Variants in STOML3 observed in about 807,000 individuals in gnomAD.
STOML3 encodes the protein stomatin-like protein 3.
A neutral mutation model predicts 29.5 loss-of-function variants in STOML3; 31 were observed. The ratio of observed to expected loss-of-function variants is 1.05; its 90% CI spans 0.79 to 1.42. The LOEUF (loss-of-function observed/expected upper bound fraction) is 1.42. Among genes scored for constraint, STOML3 ranks in the 40% most tolerant of loss-of-function variants. STOML3 has a pLI of 0.00. For synonymous variants in STOML3, 122 were observed against 139.8 expected, an observed-to-expected ratio of 0.87 and a Z score of 0.90; for missense variants, 380 against 363.0, an observed-to-expected ratio of 1.05 and a Z score of -0.38.
intron 1 of STOML3, among the ~76,000 whole-genome samples, chr13:38,985,394 G>A (rs924363391): frequency 2.0e-5 from 3 of 152,106 alleles, no homozygotes; most frequent in Non-Finnish European, 2.9e-5. Flanking sequence ...CTGCATTCCA[G>A]CCTGGGAAAC....
Position 38,990,814 on chromosome 13 carries a change from G to C in STOML3, c.-93C>G. 1 of 1,144,848 alleles carries C rather than the reference G, an allele frequency of 8.7e-7. No homozygotes were observed. The highest frequency in any genetic ancestry group is 1.3e-6 in the Non-Finnish European group (1 of 769,484). The allele number at this position is 1,144,848 out of a possible 1,614,324, so 70.9% of individuals were successfully genotyped here. A position where few individuals can be genotyped will look rare whatever the true frequency, so the allele number is the denominator to read the frequency against. On this transcript the variant is annotated 5_prime_UTR_variant, in exon 1 of 7. Transcript: ENST00000379631. ...CAGCAACTCAGATGTGCTTGGGAGA[G>C]GGGAGAGGAGAAAGTATGAGAGAGT...
At chr13:38,971,926 A>G (rs1880882964) in intron 4 of STOML3, among the ~76,000 whole-genome samples, 1 of 152,230 alleles carries the variant, frequency 6.6e-6, no homozygotes, top group Non-Finnish European at 1.5e-5. Context: ...ACTCTGTCTC[A>G]AAAGAAAAAA....
At position 38,966,980 on chromosome 13, in the gene STOML3, A is replaced by G. The variant is rs1880677462; in HGVS notation, c.721T>C (p.Ser241Pro). ...TAGCGCAGCTGGAGAGCTATGGGAG[A>G]CTCAGCCAGCACCATGGAGGCTGAC... Reference protein sequence around the residue: ...LKSASMVLAESPIALQLRYLQ... With the variant: ...LKSASMVLAEPPIALQLRYLQ... The change falls in exon 7 of 7, where the codon TCT becomes CCT. Residue 241 changes from serine to proline, a missense_variant. Ser to Pro is a moderately conservative substitution (Grantham distance 74). Transcript: ENST00000379631. 6.2e-7 allele frequency: 1 copy of G among 1,613,666 alleles called. No individual in the cohort carries two copies. The highest frequency in any genetic ancestry group is 1.3e-5 in the African/African-American group (1 of 74,788).
At chr13:38,987,676 T>A (rs937330106) in intron 1 of STOML3, among the ~76,000 whole-genome samples, 1 of 138,606 alleles carries the variant, frequency 7.2e-6, no homozygotes, top group East Asian at 2.0e-4. Context: ...ATTTTTAATA[T>A]ATATTATATA....
At chr13:38,980,276 T>G (rs574130090) in intron 1 of STOML3, 2 of 737,604 alleles carry the variant, frequency 2.7e-6, no homozygotes, top group Non-Finnish European at 4.4e-6. Context: ...GGGCTGTGAG[T>G]GCTGCTGTCA....
At chr13:38,986,920 A>G (rs1272850049) in intron 1 of STOML3, among the ~76,000 whole-genome samples, 8 of 152,118 alleles carry the variant, frequency 5.3e-5, no homozygotes, top group African/African-American at 1.7e-4. Context: ...CTCCCCAGGA[A>G]GATTCTTTTG....
intron 1 of STOML3, among the ~76,000 whole-genome samples, chr13:38,989,374 C>A (rs1467490017): frequency 6.6e-6 from 1 of 152,080 alleles, no homozygotes; most frequent in East Asian, 1.9e-4. Context: ...CTCTTGAGAT[C>A]TCCCGCTTGC....
intron 1 of STOML3, among the ~76,000 whole-genome samples, chr13:38,988,691 AAC>A (rs900852927): frequency 8.0e-5 from 11 of 137,504 alleles, no homozygotes; most frequent in African/African-American, 2.7e-4. Context: ...TTTGATATCA[AAC>A]ACATCATTAA....
chr13:38,967,521 G>A (rs1165359297), intron 6 of STOML3, among the ~76,000 whole-genome samples: 1 of 151,930 alleles, frequency 6.6e-6, no homozygotes, highest in Non-Finnish European at 1.5e-5. Context: ...TAGTTCTCTT[G>A]GCTCTTGATT....
chr13:38,976,746 G>A lies in STOML3; in HGVS notation c.104C>T (p.Ser35Phe), dbSNP rs1197437908. 1 of 1,614,094 alleles carries A rather than the reference G, an allele frequency of 6.2e-7. No homozygotes were observed. The highest frequency in any genetic ancestry group is 1.6e-4 in the Middle Eastern group (1 of 6,062). The change falls in exon 2 of 7, where the codon TCT becomes TTT. Residue 35 changes from serine to phenylalanine, a missense_variant. By Grantham distance (155) the Ser-to-Phe change is radical (BLOSUM62 -2). Coordinates refer to ENST00000379631, the MANE Select transcript of STOML3 (RefSeq NM_145286.3). ...GAAGGTAATGATCACCAACAGGAAA[G>A]AGAGGGAAAACAGGATCCAGCCACA... ...GVCGWILFSL[S>F]FLLVIITFPI...
At chr13:38,988,900 T>C (rs1316938809) in intron 1 of STOML3, among the ~76,000 whole-genome samples, 1 of 137,782 alleles carries the variant, frequency 7.3e-6, no homozygotes, top group Non-Finnish European at 1.5e-5. Context: ...TTATATACTA[T>C]ACTATAGAAT....
chr13:38,986,652 CATT>C (rs1261484386), intron 1 of STOML3, among the ~76,000 whole-genome samples: 2 of 152,160 alleles, frequency 1.3e-5, no homozygotes, highest in Non-Finnish European at 2.9e-5. Flanking sequence ...GAGGGGTAAA[CATT>C]ATCTTTTCAT....
chr13:38,968,557 G>A, intron 5 of STOML3, 23 bp from the exon 6 acceptor site: 1 of 1,613,064 alleles, frequency 6.2e-7, no homozygotes, highest in Non-Finnish European at 8.5e-7. Flanking sequence ...TAAAAGGGAA[G>A]ACTAATAAGA....
intron 1 of STOML3, among the ~76,000 whole-genome samples, chr13:38,984,617 G>T (rs1242143135): frequency 2.0e-5 from 3 of 152,154 alleles, no homozygotes; most frequent in African/African-American, 7.2e-5. Flanking sequence ...TAGCCTAGGA[G>T]CCAGAGGCTG....
chr13:38,973,132 A>G (rs111673788), intron 3 of STOML3, among the ~76,000 whole-genome samples: 35,737 of 123,884 alleles, frequency 0.29, 4,933 homozygotes, highest in Middle Eastern at 0.44. Context: ...AAAAAAAAAA[A>G]TTATCTGGGC....
At position 38,976,797 on chromosome 13, in the gene STOML3, C is replaced by G; in HGVS notation, c.53G>C (p.Gly18Ala). 6.2e-7 allele frequency: 1 copy of G among 1,612,324 alleles called. No individual in the cohort carries two copies. The highest frequency in any genetic ancestry group is 2.2e-5 in the East Asian group (1 of 44,816). The change falls in exon 2 of 7, where the codon GGT becomes GCT. Residue 18 changes from glycine to alanine, a missense_variant and splice_region_variant. Gly to Ala is a moderately conservative substitution (Grantham distance 60). Transcript: ENST00000379631. ...TACACCAAGCCGTTTATTGTTGACA[C>G]CTAGGAAATGAGAAGGAAGCAAATA... ...PEKQDKENFVGVNNKRLGVCG... is the reference protein window; with the variant it reads ...PEKQDKENFVAVNNKRLGVCG...
In STOML3 at chr13:38,973,096, TAAAAAAAAAAAA is replaced by T. The variant is rs71074495; in HGVS notation, c.230-514_230-503del. On this transcript the variant is annotated intron_variant, in intron 3 of 6. Transcript: ENST00000379631. ...CAACATGGTGAAGCCCCGTCTCTAC[TAAAAAAAAAAAA>T]AAAAAAAAAAAAAAAAAAAAAAAAT... Among the ~76,000 whole-genome samples the T allele has an allele frequency of 2.8e-4, 9 of 32,572 alleles. No homozygotes were observed. The East Asian group carries it at 6.4e-3, about 23-fold the overall frequency. The allele number at this position is 32,572 out of a possible 152,430, so 21.4% of individuals were successfully genotyped here. A position where few individuals can be genotyped will look rare whatever the true frequency, so the allele number is the denominator to read the frequency against.
chr13:38,966,870 A>G lies in STOML3; in HGVS notation c.831T>C (p.Gly277=). 6.2e-7 allele frequency: 1 copy of G among 1,613,732 alleles called. No homozygotes were observed. The highest frequency in any genetic ancestry group is 1.7e-4 in the Middle Eastern group (1 of 5,930). ...PLPMNILEGI[G]GVSYDNHKKL... is the part of the protein sequence containing the mutation. ...TCTTGTGGTTATCATAGCTGACGCCACCAATGCCCTCTAGTATATTCATGG... is the reference window on the plus strand; with the variant it reads ...TCTTGTGGTTATCATAGCTGACGCCGCCAATGCCCTCTAGTATATTCATGG... Residue 277 remains glycine, a synonymous_variant, in exon 7 of 7, where the codon GGT becomes GGC. Coordinates refer to ENST00000379631, the MANE Select transcript of STOML3 (RefSeq NM_145286.3).
At chr13:38,983,129 C>G (rs958195883) in intron 1 of STOML3, among the ~76,000 whole-genome samples, 1 of 152,146 alleles carries the variant, frequency 6.6e-6, no homozygotes, top group African/African-American at 2.4e-5. Flanking sequence ...AAGGCATAAA[C>G]TTTGACAAAT....
Sources: gnomAD v4.1 joint callset for allele counts (sites outside exome capture counted in the v4.1 genomes callset) on GRCh38, gnomAD v4.1.1 for gene constraint, MANE v1.5 for transcripts, NCBI Gene and HGNC (gene_info 2026-07-23, HGNC 2026-07-21) for gene names.